The following ADAM18 variants were observed in gnomAD, a reference collection of about 807,000 sequenced individuals.
ADAM18 encodes the protein disintegrin and metalloproteinase domain-containing protein 18.
ADAM18 carries 117 observed loss-of-function variants against 94.4 expected under a neutral mutation model. The ratio of observed to expected loss-of-function variants is 1.24; its 90% CI spans 1.07 to 1.45. The LOEUF is 1.45. Among genes scored for constraint, ADAM18 ranks in the 40% most tolerant of loss-of-function variants. ADAM18 has a pLI of 0.00. For synonymous variants in ADAM18, 327 were observed against 291.6 expected (o/e 1.12, Z -1.24); for missense variants, 936 against 880.0 (o/e 1.06, Z -0.81).
At chr8:39,627,676 T>A (rs1819811669) in intron 6 of ADAM18, among the ~76,000 whole-genome samples, 1 of 152,094 alleles carries the variant, frequency 6.6e-6, no homozygotes, top group Non-Finnish European at 1.5e-5. Context: ...ATTCTGCAAA[T>A]CTGTGTCTTC....
At chr8:39,600,980 T>G (rs1818885562) in intron 2 of ADAM18, among the ~76,000 whole-genome samples, 1 of 152,130 alleles carries the variant, frequency 6.6e-6, no homozygotes, top group Admixed American at 6.5e-5. Context: ...TTGGGCAGGT[T>G]GTACAGGAAG....
chr8:39,618,522 C>T (rs1038222294), intron 6 of ADAM18, among the ~76,000 whole-genome samples: 1 of 152,172 alleles, frequency 6.6e-6, no homozygotes, highest in Non-Finnish European at 1.5e-5. Context: ...CTTTCCATAA[C>T]CTGTGATTAG....
At chr8:39,610,469 T>G (rs1819238005) in intron 5 of ADAM18, 60 bp from the exon 6 acceptor site, 1 of 1,491,330 alleles carries the variant, frequency 6.7e-7, no homozygotes, top group Admixed American at 2.2e-5. Flanking sequence ...AGATTATCAT[T>G]TTGAAGGGAT....
intron 10 of ADAM18, among the ~76,000 whole-genome samples, chr8:39,641,874 C>A (rs1225405037): frequency 3.3e-5 from 5 of 152,114 alleles, no homozygotes; most frequent in Non-Finnish European, 7.4e-5. Flanking sequence ...TACACTCCCA[C>A]CTGCAGTGTA....
chr8:39,604,377 T>G (rs1022564029), intron 2 of ADAM18, among the ~76,000 whole-genome samples: 1 of 152,182 alleles, frequency 6.6e-6, no homozygotes, highest in Non-Finnish European at 1.5e-5. Context: ...AGATATTAAA[T>G]ATACTTATAT....
intron 16 of ADAM18, among the ~76,000 whole-genome samples, chr8:39,685,941 G>T (rs895055354): frequency 2.0e-5 from 3 of 151,930 alleles, no homozygotes; most frequent in African/African-American, 7.3e-5. Flanking sequence ...TCATTTTCCG[G>T]TACCTTGGTC....
chr8:39,653,405 A>G (rs768623997), intron 12 of ADAM18, among the ~76,000 whole-genome samples: 12 of 152,230 alleles, frequency 7.9e-5, no homozygotes, highest in Admixed American at 2.0e-4. Flanking sequence ...TGTACATTAT[A>G]TAAGTAAACA....
chr8:39,606,994 G>C (rs1024579815), intron 3 of ADAM18, among the ~76,000 whole-genome samples: 1 of 152,110 alleles, frequency 6.6e-6, no homozygotes, highest in Non-Finnish European at 1.5e-5. Context: ...TTCTTCATTT[G>C]CTTCAGGCCA....
chr8:39,721,035 A>G (rs1407213756), intron 18 of ADAM18, among the ~76,000 whole-genome samples: 2 of 151,570 alleles, frequency 1.3e-5, no homozygotes, highest in Non-Finnish European at 3.0e-5. Flanking sequence ...GTATGCATCA[A>G]TTAGAATAAA....
chr8:39,655,955 A>T (rs1820670434), intron 12 of ADAM18, among the ~76,000 whole-genome samples: 1 of 152,082 alleles, frequency 6.6e-6, no homozygotes, highest in African/African-American at 2.4e-5. Flanking sequence ...ACTGCAAATC[A>T]TTAGGAGAAA....
chr8:39,725,299 A>G (rs554071215), intron 19 of ADAM18, among the ~76,000 whole-genome samples: 1 of 152,094 alleles, frequency 6.6e-6, no homozygotes, highest in Non-Finnish European at 1.5e-5. Flanking sequence ...ATCACCTCCC[A>G]AAGTTTCCTC....
intron 17 of ADAM18, among the ~76,000 whole-genome samples, chr8:39,701,475 T>G (rs186507520): frequency 6.6e-6 from 1 of 152,294 alleles, no homozygotes; most frequent in Admixed American, 6.5e-5. Context: ...AATTATGAAT[T>G]AATTTTTGGC....
chr8:39,660,323 A>C (rs902810863), intron 12 of ADAM18, among the ~76,000 whole-genome samples: 1 of 152,186 alleles, frequency 6.6e-6, no homozygotes, highest in Non-Finnish European at 1.5e-5. Flanking sequence ...TGGATTTTTT[A>C]AAAAGATTAA....
chr8:39,619,106 C>T (rs1819531377), intron 6 of ADAM18, among the ~76,000 whole-genome samples: 1 of 152,008 alleles, frequency 6.6e-6, no homozygotes, highest in Non-Finnish European at 1.5e-5. Flanking sequence ...GTGGTCAATA[C>T]AAGAAAAGGA....
intron 6 of ADAM18, among the ~76,000 whole-genome samples, chr8:39,613,573 T>C (rs1819345622): frequency 6.6e-6 from 1 of 152,208 alleles, no homozygotes; most frequent in Non-Finnish European, 1.5e-5. Flanking sequence ...CCAGAGTGTC[T>C]TCCTACCTAC....
At chr8:39,607,736 T>G (rs1216725769) in intron 3 of ADAM18, among the ~76,000 whole-genome samples, 1 of 143,852 alleles carries the variant, frequency 7.0e-6, no homozygotes, top group Non-Finnish European at 1.5e-5. Flanking sequence ...TGTCTCTCCT[T>G]TCTCTATTTT....
intron 6 of ADAM18, among the ~76,000 whole-genome samples, chr8:39,614,677 A>G (rs1819385171): frequency 6.6e-6 from 1 of 152,188 alleles, no homozygotes; most frequent in African/African-American, 2.4e-5. Flanking sequence ...AGGTTGCATG[A>G]AGAAGCAAGA....
At chr8:39,703,501 A>T (rs948931198) in intron 17 of ADAM18, among the ~76,000 whole-genome samples, 3 of 151,970 alleles carry the variant, frequency 2.0e-5, no homozygotes, top group African/African-American at 7.3e-5. Context: ...TGCCCTGCCC[A>T]GAACTGTAAA....
At chr8:39,693,917 A>G (rs1258120272) in intron 17 of ADAM18, among the ~76,000 whole-genome samples, 1 of 151,340 alleles carries the variant, frequency 6.6e-6, no homozygotes. Context: ...TTTATCATTT[A>G]TCATTCCAGT....
Sources: allele counts gnomAD v4.1 joint callset (sites outside exome capture counted in the v4.1 genomes callset), GRCh38; gene constraint gnomAD v4.1.1; transcripts MANE v1.5; gene names NCBI Gene and HGNC (gene_info 2026-07-23, HGNC 2026-07-21).